CYTH1: variants seen among roughly 807,000 people sequenced by gnomAD.
The protein encoded by CYTH1 is cytohesin-1.
In CYTH1, 18 loss-of-function variants were observed where a neutral mutation model predicts 61.8. The observed-to-expected ratio is 0.29, with a 90% CI of 0.20 to 0.43. The LOEUF is 0.43. Ranked by LOEUF, CYTH1 falls within the 20% of genes least tolerant of loss-of-function variation. The pLI is 1.00. For missense variants in CYTH1, 336 were observed against 510.5 expected (o/e 0.66, Z 3.29); for synonymous variants, 174 against 184.3 (o/e 0.94, Z 0.45).
chr17:78,733,366 T>C (rs2093304737), intron 1 of CYTH1, among the ~76,000 whole-genome samples: 2 of 152,190 alleles, frequency 1.3e-5, no homozygotes, highest in Non-Finnish European at 2.9e-5. Flanking sequence ...ACAGGTAAGA[T>C]AAAGACTCAA....
intron 1 of CYTH1, among the ~76,000 whole-genome samples, chr17:78,718,450 A>G (rs901684229): frequency 3.3e-5 from 5 of 152,170 alleles, no homozygotes; most frequent in African/African-American, 7.2e-5. Context: ...TGTTCCTCCA[A>G]CCTCCAAAGA....
intron 12 of CYTH1, among the ~76,000 whole-genome samples, chr17:78,680,614 C>A (rs986055865): frequency 6.6e-6 from 1 of 152,170 alleles, no homozygotes; most frequent in Non-Finnish European, 1.5e-5. Flanking sequence ...AGGTGACTCA[C>A]GACTTTAACT....
At chr17:78,736,422 CCT>C (rs752388479) in intron 1 of CYTH1, among the ~76,000 whole-genome samples, 4 of 151,636 alleles carry the variant, frequency 2.6e-5, no homozygotes, top group South Asian at 2.1e-4. Context: ...CTCTCTCTCT[CCT>C]CTCTCTCACT....
intron 10 of CYTH1, 125 bp from the exon 11 acceptor site, chr17:78,692,618 C>T: frequency 2.6e-6 from 2 of 780,520 alleles, no homozygotes; most frequent in Non-Finnish European, 2.1e-6. Flanking sequence ...AACGTGGAGC[C>T]CACAACATTG....
intron 1 of CYTH1, chr17:78,727,757 T>C: frequency 2.1e-6 from 1 of 470,742 alleles, no homozygotes; most frequent in Non-Finnish European, 4.4e-6. Flanking sequence ...GGCTTCTTCT[T>C]CTCTGTCTTG....
intron 1 of CYTH1, among the ~76,000 whole-genome samples, chr17:78,720,327 GT>G (rs1285130781): frequency 6.6e-6 from 1 of 151,942 alleles, no homozygotes; most frequent in East Asian, 1.9e-4. Flanking sequence ...TTTTTTATTT[GT>G]TTGTTTTTGA....
rs780503536 is a variant in CYTH1, at chr17:78,727,688, G to A, written c.23-17956C>T. 5 of 471,146 alleles carry A rather than the reference G, an allele frequency of 1.1e-5. 1 individual carries two copies. The East Asian group carries it at 2.1e-4, about 20-fold the overall frequency. 29.2% of individuals were successfully genotyped at this position (471,146 alleles called of 1,614,324 possible). ...GGGCAAGGCTGGAGCAGGCACGGCCGACCCAAGCCTCCTGGCGAGTGCATC... is the reference window on the plus strand; with the variant it reads ...GGGCAAGGCTGGAGCAGGCACGGCCAACCCAAGCCTCCTGGCGAGTGCATC... On this transcript the variant is annotated intron_variant, in intron 1 of 13. Transcript: ENST00000446868.
chr17:78,698,484 C>T (rs948913212), intron 8 of CYTH1, 104 bp from the exon 9 acceptor site: 1 of 921,020 alleles, frequency 1.1e-6, no homozygotes, highest in African/African-American at 1.7e-5. Context: ...CTATAGTAAG[C>T]CAAGCCTGCT....
chr17:78,718,372 AGAG>A (rs1288880667), intron 1 of CYTH1, among the ~76,000 whole-genome samples: 1 of 152,214 alleles, frequency 6.6e-6, no homozygotes, highest in Non-Finnish European at 1.5e-5. Flanking sequence ...CCACCTGCTC[AGAG>A]GAGAACAACT....
chr17:78,727,104 T>C (rs16971666), intron 1 of CYTH1, among the ~76,000 whole-genome samples: 8,922 of 152,252 alleles, frequency 0.059, 481 homozygotes, highest in South Asian at 0.15. Context: ...AAGGAATACA[T>C]TCAAATCTCG....
intron 10 of CYTH1, among the ~76,000 whole-genome samples, chr17:78,693,041 A>C (rs565811211): frequency 6.6e-6 from 1 of 152,170 alleles, no homozygotes; most frequent in Non-Finnish European, 1.5e-5. Context: ...CTTCACCTTC[A>C]TGATTACAGT....
chr17:78,690,052 T>C (rs2092863069), intron 11 of CYTH1, among the ~76,000 whole-genome samples: 1 of 151,898 alleles, frequency 6.6e-6, no homozygotes, highest in Non-Finnish European at 1.5e-5. Context: ...ATTTTTTTAC[T>C]AGTCTTTTGC....
intron 2 of CYTH1, chr17:78,709,297 C>T (rs199974245): frequency 3.5e-5 from 4 of 114,004 alleles, no homozygotes; most frequent in Non-Finnish European, 4.0e-5. Flanking sequence ...GGGCGTGGGC[C>T]GAGCTTCGCC....
intron 1 of CYTH1, among the ~76,000 whole-genome samples, chr17:78,729,900 G>C (rs147869385): frequency 7.7e-4 from 117 of 152,294 alleles, no homozygotes; most frequent in Middle Eastern, 6.8e-3. Context: ...TGTGGAAAGA[G>C]AGTGGGGGAG....
intron 1 of CYTH1, among the ~76,000 whole-genome samples, chr17:78,712,053 TG>T (rs2093138059): frequency 6.7e-6 from 1 of 148,474 alleles, no homozygotes; most frequent in South Asian, 2.1e-4. Context: ...CACTCCAGCC[TG>T]GGCAACAGAG....
At chr17:78,753,511 A>AAATG (rs2093388643) in intron 1 of CYTH1, among the ~76,000 whole-genome samples, 1 of 151,158 alleles carries the variant, frequency 6.6e-6, no homozygotes, top group South Asian at 2.1e-4. Context: ...ATAAATAAAT[A>AAATG]AATAAATAAA....
At chr17:78,765,248 C>T (rs964865986) in intron 1 of CYTH1, among the ~76,000 whole-genome samples, 2 of 152,240 alleles carry the variant, frequency 1.3e-5, no homozygotes, top group African/African-American at 4.8e-5. Flanking sequence ...AAAGAGAAGC[C>T]TTCCTCAGTG....
intron 5 of CYTH1, 100 bp from the exon 6 acceptor site, chr17:78,701,851 C>CCTGTGGCT (rs914174406): frequency 8.4e-7 from 1 of 1,193,174 alleles, no homozygotes; most frequent in African/African-American, 1.5e-5. Context: ...GTCCTGTGGT[C>CCTGTGGCT]CTGTGGCTCC....
At chr17:78,782,179 G>A (rs1470943639) in intron 1 of CYTH1, 23 bp downstream of exon 1, 2 of 1,359,066 alleles carry the variant, frequency 1.5e-6, no homozygotes. Context: ...AGGGGGAAGC[G>A]TCCGCCGCCG....
Sources: gnomAD v4.1 joint callset for allele counts (sites outside exome capture counted in the v4.1 genomes callset) on GRCh38, gnomAD v4.1.1 for gene constraint, MANE v1.5 for transcripts, NCBI Gene and HGNC (gene_info 2026-07-23, HGNC 2026-07-21) for gene names.